The following MARCHF10 variants were observed in gnomAD, a reference collection of about 807,000 sequenced individuals.
MARCHF10 encodes membrane associated ring-CH-type finger 10, also known as probable E3 ubiquitin-protein ligase MARCHF10.
MARCHF10 carries 64 observed loss-of-function variants against 76.2 expected under a neutral mutation model. The ratio of observed to expected loss-of-function variants is 0.84; its 90% confidence interval spans 0.69 to 1.03. The LOEUF is 1.03. Ranked by LOEUF, MARCHF10 falls within the 50% of genes least tolerant of loss-of-function variation. The probability of loss-of-function intolerance (pLI) is 0.00; values close to 1 mark genes in which losing one functional copy is unlikely to be tolerated. For missense variants in MARCHF10, 875 were observed against 958.0 expected (o/e 0.91, Z 1.14); for synonymous variants, 340 against 357.5 (o/e 0.95, Z 0.55).
intron 3 of MARCHF10, among the ~76,000 whole-genome samples, chr17:62,773,981 A>G (rs1354856687): frequency 6.6e-6 from 1 of 152,198 alleles, no homozygotes; most frequent in Non-Finnish European, 1.5e-5. Flanking sequence ...ACAAAAGGAC[A>G]AGAGAATTAT....
At chr17:62,807,583 C>T (rs780749968) in intron 1 of MARCHF10, among the ~76,000 whole-genome samples, 2 of 152,066 alleles carry the variant, frequency 1.3e-5, no homozygotes, top group African/African-American at 4.8e-5. Flanking sequence ...AGAAACATAA[C>T]GAGACCCCTT....
chr17:62,783,244 A>G (rs2092693666), intron 3 of MARCHF10, among the ~76,000 whole-genome samples: 1 of 138,798 alleles, frequency 7.2e-6, no homozygotes, highest in Non-Finnish European at 1.5e-5. Context: ...TTTTTCTTAA[A>G]AAAATGTTGT....
At position 62,788,426 on chromosome 17, in the gene MARCHF10, C is replaced by A; in HGVS notation, c.210+54G>T. On this transcript the variant is annotated intron_variant, in intron 3 of 10. Transcript: ENST00000311269. ...TACATCACACACACACACACACCAC[C>A]ACCACCAGCAGCAGCAGCAGCCCCA... 5.0e-6 allele frequency: 8 copies of A among 1,607,818 alleles called. No individual in the cohort carries two copies. The South Asian group carries it at 7.7e-5, about 15-fold the overall frequency.
chr17:62,803,492 G>C (rs1434951114), intron 1 of MARCHF10, among the ~76,000 whole-genome samples: 1 of 151,976 alleles, frequency 6.6e-6, no homozygotes, highest in African/African-American at 2.4e-5. Flanking sequence ...GTGGAGGACA[G>C]TGGGGAGGGA....
At position 62,744,361 on chromosome 17, in the gene MARCHF10, G is replaced by T. The variant is rs1568148183; in HGVS notation, c.535+15C>A. The T allele has an allele frequency of 1.2e-6, 2 of 1,607,186 alleles. No individual in the cohort carries two copies. The highest frequency in any genetic ancestry group is 1.3e-5 in the African/African-American group (1 of 74,628). On this transcript the variant is annotated intron_variant, in intron 5 of 10. Transcript: ENST00000311269. Reference sequence around the variant, plus strand: ...CCTCTCCAAGGACAAAGGTTCGGGAGCCCCGGGTCCTTACCTGCTCCCCTG... The same window carrying T: ...CCTCTCCAAGGACAAAGGTTCGGGATCCCCGGGTCCTTACCTGCTCCCCTG...
chr17:62,767,224 C>CTA (rs2092352787), intron 3 of MARCHF10, among the ~76,000 whole-genome samples: 1 of 151,808 alleles, frequency 6.6e-6, no homozygotes, highest in East Asian at 1.9e-4. Flanking sequence ...TACAATTTAG[C>CTA]TATATGTTTC....
rs201247035 is a variant in MARCHF10 at position 62,794,196 on chromosome 17, TCAC to T, written c.91-5600_91-5598del. ...ACCACCACAAACACCATCACAACCA[TCAC>T]CACCACCACCACTACCACCTCCACC... is the stretch of plus-strand genomic sequence containing the variant. On this transcript the variant is annotated intron_variant, in intron 2 of 10. Coordinates refer to ENST00000311269, the MANE Select transcript of MARCHF10 (RefSeq NM_152598.4). Among the ~76,000 whole-genome samples the T allele has an allele frequency of 1.2e-3, 165 of 132,618 alleles. 2 individuals carry two copies. In the East Asian group the frequency reaches 0.034, roughly 27 times the overall value. 87.0% of individuals were successfully genotyped at this position (132,618 alleles called of 152,430 possible).
Position 62,736,293 on chromosome 17 carries a change from G to A in MARCHF10, c.1575C>T (p.Ala525=), listed in dbSNP as rs141005509. Residue 525 remains alanine (A), a synonymous_variant, in exon 6 of 11, where the codon GCC becomes GCT. Transcript: ENST00000311269. ...TTACTGGGAAATAATTATGGTTTTC[G>A]GCACTGGCAAATGGAGTCCTATTTC... ...PIRNRTPFAS[A]ENHNYFPVNS... 2.7e-5 allele frequency: 43 copies of A among 1,614,122 alleles called. 1 individual carries two copies. The highest frequency in any genetic ancestry group is 8.9e-5 in the East Asian group (4 of 44,878).
At chr17:62,737,558 G>A in intron 5 of MARCHF10, 2 of 532,476 alleles carry the variant, frequency 3.8e-6, no homozygotes, top group South Asian at 5.0e-5. Flanking sequence ...GAAATGGGGG[G>A]ACCCTGAGGA....
chr17:62,794,907 T>G (rs2092958253), intron 2 of MARCHF10: 1 of 522,878 alleles, frequency 1.9e-6, no homozygotes, highest in Non-Finnish European at 2.5e-6. Context: ...TTATTAAAGT[T>G]CATTAATTTT....
At chr17:62,789,792 G>A (rs1299469836) in intron 2 of MARCHF10, among the ~76,000 whole-genome samples, 1 of 152,056 alleles carries the variant, frequency 6.6e-6, no homozygotes, top group Non-Finnish European at 1.5e-5. Flanking sequence ...ATAAAAATTA[G>A]TTGTGGTGGC....
intron 3 of MARCHF10, among the ~76,000 whole-genome samples, chr17:62,769,061 C>T (rs796223753): frequency 1.2e-4 from 19 of 152,338 alleles, no homozygotes; most frequent in African/African-American, 4.3e-4. Flanking sequence ...AATTTGATTG[C>T]TCCTCATAAT....
Position 62,738,792 on chromosome 17 carries a change from T to C in MARCHF10, c.536-1460A>G, listed in dbSNP as rs1453192053. 5.3e-5 allele frequency among the ~76,000 whole-genome samples: 8 copies of C among 152,224 alleles called. No individual in the cohort carries two copies. The highest frequency in any genetic ancestry group is 1.2e-4 in the Non-Finnish European group (8 of 68,026). On this transcript the variant is annotated intron_variant, in intron 5 of 10. Coordinates refer to ENST00000311269, the MANE Select transcript of MARCHF10 (RefSeq NM_152598.4). The surrounding 1 kb of genome is among the most constrained non-coding windows in gnomAD (Gnocchi z 4.0). ...AGTATGAATCTTGACTCATCAGCTCTTCTAGAAATCAGTTAAGCTCTCCTC... is the reference window on the plus strand; with the variant it reads ...AGTATGAATCTTGACTCATCAGCTCCTCTAGAAATCAGTTAAGCTCTCCTC...
intron 10 of MARCHF10, among the ~76,000 whole-genome samples, chr17:62,702,428 G>A (rs2089297727): frequency 7.2e-6 from 1 of 139,278 alleles, no homozygotes; most frequent in African/African-American, 2.6e-5. Context: ...GGGGCGGGGG[G>A]CGGGGGGCGG....
At chr17:62,799,069 A>C (rs962998590) in intron 2 of MARCHF10, among the ~76,000 whole-genome samples, 1 of 152,088 alleles carries the variant, frequency 6.6e-6, no homozygotes, top group African/African-American at 2.4e-5. Flanking sequence ...GAAACTATGG[A>C]GGTTGGAGGT....
At chr17:62,706,259 G>C (rs1258424662) in intron 9 of MARCHF10, 1 of 152,392 alleles carries the variant, frequency 6.6e-6, no homozygotes, top group African/African-American at 2.4e-5. Context: ...GACCGTTTCT[G>C]TGCCCAAGGA....
intron 3 of MARCHF10, among the ~76,000 whole-genome samples, chr17:62,767,919 T>A (rs1029395569): frequency 6.6e-6 from 1 of 152,070 alleles, no homozygotes; most frequent in African/African-American, 2.4e-5. Flanking sequence ...AGGAGAAAGG[T>A]CTCACCCAGG....
intron 4 of MARCHF10, among the ~76,000 whole-genome samples, chr17:62,758,833 C>G (rs2092117983): frequency 6.6e-6 from 1 of 152,196 alleles, no homozygotes. Context: ...AGCCTGGATC[C>G]TTTCCACTCA....
chr17:62,765,978 G>A (rs1325159798), intron 3 of MARCHF10, among the ~76,000 whole-genome samples: 2 of 151,110 alleles, frequency 1.3e-5, no homozygotes, highest in East Asian at 2.0e-4. Context: ...TGAGGCACTT[G>A]AGCCCAGGAG....
Sources: gnomAD v4.1 joint callset for allele counts (sites outside exome capture counted in the v4.1 genomes callset) on GRCh38, gnomAD v4.1.1 for gene constraint, Gnocchi (gnomAD v3.1) non-coding constraint, MANE v1.5 for transcripts, NCBI Gene and HGNC (gene_info 2026-07-23, HGNC 2026-07-21) for gene names.